The following ARCN1 variants were observed in gnomAD, a reference collection of about 807,000 sequenced individuals.
The protein encoded by ARCN1 is archain 1 coat protein complex I subunit delta, also known as coatomer subunit delta.
A neutral mutation model predicts 60.4 loss-of-function variants in ARCN1; 5 were observed. The observed-to-expected ratio is 0.08, with a 90% CI of 0.04 to 0.17. The LOEUF (loss-of-function observed/expected upper bound fraction) is 0.17. Among genes scored for constraint, ARCN1 ranks in the 10% least tolerant of loss-of-function variants. The probability of loss-of-function intolerance (pLI) is 1.00; values close to 1 mark genes in which losing one functional copy is unlikely to be tolerated. For missense variants in ARCN1, 464 were observed against 626.5 expected (o/e 0.74, Z 2.77); for synonymous variants, 224 against 220.0 (o/e 1.02, Z -0.16).
At chr11:118,596,673 T>C (rs1939032799) in intron 8 of ARCN1, among the ~76,000 whole-genome samples, 1 of 152,186 alleles carries the variant, frequency 6.6e-6, no homozygotes, top group Admixed American at 6.5e-5. Flanking sequence ...AAATTTAGAA[T>C]GTGTAGGAGT....
intron 1 of ARCN1, among the ~76,000 whole-genome samples, chr11:118,577,419 G>T (rs782111955): frequency 2.0e-5 from 3 of 151,822 alleles, no homozygotes; most frequent in Non-Finnish European, 4.4e-5. Context: ...CTAATTTTTT[G>T]TATTTTTTGG....
chr11:118,595,360 C>G (rs1939002877), intron 8 of ARCN1, among the ~76,000 whole-genome samples: 1 of 152,212 alleles, frequency 6.6e-6, no homozygotes, highest in African/African-American at 2.4e-5. Flanking sequence ...TCTTGTTGAA[C>G]AAGATGTCTA....
chr11:118,586,421 G>A (rs1565362275), intron 5 of ARCN1, among the ~76,000 whole-genome samples: 1 of 152,148 alleles, frequency 6.6e-6, no homozygotes, highest in Non-Finnish European at 1.5e-5. Context: ...TATATGCCCT[G>A]TTCTGTATGA....
At chr11:118,579,374 T>A (rs1352818902) in intron 1 of ARCN1, among the ~76,000 whole-genome samples, 1 of 151,972 alleles carries the variant, frequency 6.6e-6, no homozygotes, top group Non-Finnish European at 1.5e-5. Flanking sequence ...ATAAACTTTT[T>A]AAAATGCAGC....
Position 118,597,793 on chromosome 11 carries a change from C to T in ARCN1, c.1328C>T (p.Pro443Leu), listed in dbSNP as rs1324928453. The change falls in exon 9 of 10, where the codon CCT becomes CTT. Residue 443 changes from proline (P) to leucine (L), a missense_variant. Coordinates refer to ENST00000264028, the MANE Select transcript of ARCN1 (RefSeq NM_001655.5). Reference sequence around the variant, plus strand: ...CGAAATACCCTGGAGTGGTGCCTGCCTGTGATTGATGCCAAAAATAAGAGT... The same window carrying T: ...CGAAATACCCTGGAGTGGTGCCTGCTTGTGATTGATGCCAAAAATAAGAGT... ...SRRNTLEWCL[P>L]VIDAKNKSGS... 4.3e-6 allele frequency: 7 copies of T among 1,614,006 alleles called. No homozygotes were observed. Among genetic ancestry groups the T allele is most frequent in the Non-Finnish European group, 5.9e-6 (7 of 1,180,030 alleles).
Position 118,581,523 on chromosome 11 carries a change from T to C in ARCN1, c.267+14T>C. On this transcript the variant is annotated intron_variant, in intron 2 of 9. Transcript: ENST00000264028. ...TTCTCAAGAGTGGTAAGAGTACTGC[T>C]ATAATACTGGGTTCCACTTTTTGTT... is the stretch of plus-strand genomic sequence containing the variant. 6.3e-7 allele frequency: 1 copy of C among 1,587,688 alleles called. No individual in the cohort carries two copies. Among genetic ancestry groups the C allele is most frequent in the Non-Finnish European group, 8.6e-7 (1 of 1,166,112 alleles).
rs1484217764 is a variant in ARCN1 at position 118,602,514 on chromosome 11, A to T, written c.*1800A>T. On this transcript the variant is annotated 3_prime_UTR_variant, in exon 10 of 10. Transcript: ENST00000264028. ...TGAACATCTGGCCGTCCCTGCAAAG[A>T]GTGTACTGTGCTTGAAGCAGAGCAC... The T allele has an allele frequency of 6.5e-6, 1 of 153,786 alleles. No individual in the cohort carries two copies. The highest frequency in any genetic ancestry group is 1.5e-5 in the Non-Finnish European group (1 of 68,054). The allele number at this position is 153,786 out of a possible 1,614,324, so 9.5% of individuals were successfully genotyped here.
chr11:118,592,557 G>C (rs1180992190), intron 6 of ARCN1, 152 bp from the exon 7 acceptor site: 3 of 529,904 alleles, frequency 5.7e-6, no homozygotes, highest in African/African-American at 1.9e-5. Context: ...ATAAGTCTTT[G>C]AAGAAGGGAA....
intron 6 of ARCN1, among the ~76,000 whole-genome samples, chr11:118,592,298 C>A (rs1193935621): frequency 1.3e-5 from 2 of 152,204 alleles, no homozygotes; most frequent in African/African-American, 4.8e-5. Context: ...TTGCCCTTTT[C>A]TGCTACTTTA....
At chr11:118,578,169 AAATAAAT>A in intron 1 of ARCN1, among the ~76,000 whole-genome samples, 1 of 24,852 alleles carries the variant, frequency 4.0e-5, no homozygotes, top group Admixed American at 4.5e-4. Flanking sequence ...CTCAAAAAAT[AAATAAAT>A]AAATAAATAA....
chr11:118,599,463 C>G (rs1555077767), intron 9 of ARCN1, among the ~76,000 whole-genome samples: 2 of 151,588 alleles, frequency 1.3e-5, no homozygotes, highest in African/African-American at 4.9e-5. Context: ...GAGTCTTGCT[C>G]TGTCACCAAG....
At chr11:118,583,131 C>G (rs369939528) in intron 2 of ARCN1, 48 bp from the exon 3 acceptor site, 2 of 1,583,854 alleles carry the variant, frequency 1.3e-6, no homozygotes, top group Non-Finnish European at 1.7e-6. Context: ...GGAAATATAG[C>G]TGCTGATAAA....
chr11:118,600,430 A>T (rs1939123532), intron 9 of ARCN1, among the ~76,000 whole-genome samples, 195 bp from the exon 10 acceptor site: 1 of 152,216 alleles, frequency 6.6e-6, no homozygotes, highest in Admixed American at 6.5e-5. Context: ...CATCTAGAAG[A>T]AAAGCAGCTT....
chr11:118,574,812 G>A (rs1456571089), intron 1 of ARCN1, among the ~76,000 whole-genome samples: 2 of 151,906 alleles, frequency 1.3e-5, no homozygotes, highest in African/African-American at 4.8e-5. Flanking sequence ...CTGGAGGGCA[G>A]TAGCTATTCA....
chr11:118,581,968 C>G (rs1254432022), intron 2 of ARCN1, among the ~76,000 whole-genome samples: 5 of 112,982 alleles, frequency 4.4e-5, no homozygotes, highest in African/African-American at 1.7e-4. Context: ...ACACACACAC[C>G]TTTTAAGACT....
rs1052112722 is a variant in ARCN1 at position 118,572,436 on chromosome 11, G to T, written c.-112G>T. ...CTTGGCAAGAGGCGAAGCGGCAGCG[G>T]TTCCTGTCAAGGGGGCAGCAGGTCC... is the stretch of plus-strand genomic sequence containing the variant. On this transcript the variant is annotated 5_prime_UTR_variant, in exon 1 of 10. Coordinates refer to ENST00000264028, the MANE Select transcript of ARCN1 (RefSeq NM_001655.5). 1.4e-5 allele frequency: 16 copies of T among 1,161,268 alleles called. No homozygotes were observed. Among genetic ancestry groups the T allele is most frequent in the Non-Finnish European group, 8.3e-6 (7 of 841,146 alleles). The allele number at this position is 1,161,268 out of a possible 1,614,324, so 71.9% of individuals were successfully genotyped here.
intron 8 of ARCN1, 134 bp from the exon 9 acceptor site, chr11:118,597,571 ATT>A: frequency 2.5e-6 from 1 of 401,068 alleles, no homozygotes; most frequent in Non-Finnish European, 3.9e-6. Flanking sequence ...CCTTGAAGTT[ATT>A]AGCCTTTTTT....
intron 1 of ARCN1, chr11:118,573,552 T>G: frequency 1.8e-6 from 1 of 571,206 alleles, no homozygotes; most frequent in Non-Finnish European, 3.2e-6. Flanking sequence ...TATTTTTCAG[T>G]GCACCTTATG....
intron 8 of ARCN1, among the ~76,000 whole-genome samples, chr11:118,597,063 T>C (rs1591392118): frequency 6.6e-6 from 1 of 152,074 alleles, no homozygotes; most frequent in Non-Finnish European, 1.5e-5. Context: ...AAAAATTAGC[T>C]GGGCGTGGCG....
Sources: allele counts gnomAD v4.1 joint callset (sites outside exome capture counted in the v4.1 genomes callset), GRCh38; gene constraint gnomAD v4.1.1; transcripts MANE v1.5; gene names NCBI Gene and HGNC (gene_info 2026-07-23, HGNC 2026-07-21).